The following TET3 variants were observed in gnomAD, a reference collection of about 807,000 sequenced individuals.
TET3 encodes the protein methylcytosine dioxygenase TET3.
TET3 carries 19 observed loss-of-function variants against 141.4 expected under a neutral mutation model. The observed-to-expected ratio is 0.13, with a 90% CI of 0.09 to 0.20. TET3 has a LOEUF of 0.20. Ranked by LOEUF, TET3 falls within the 10% of genes least tolerant of loss-of-function variation. The pLI is 1.00. For missense variants in TET3, 1,874 were observed against 2,356.9 expected (o/e 0.80, Z 4.24); for synonymous variants, 1,043 against 980.9 (o/e 1.06, Z -1.18).
chr2:74,010,229 G>T (rs1291889920), intron 3 of TET3, among the ~76,000 whole-genome samples: 1 of 152,224 alleles, frequency 6.6e-6, no homozygotes, highest in African/African-American at 2.4e-5. Context: ...AGAAACCGGG[G>T]CTCCGTGTCC....
At chr2:74,037,690 G>C (rs562544682) in intron 3 of TET3, among the ~76,000 whole-genome samples, 7 of 152,282 alleles carry the variant, frequency 4.6e-5, no homozygotes, top group African/African-American at 1.7e-4. Flanking sequence ...TTCTAATATG[G>C]TGTGTAACTG....
chr2:74,036,597 C>A (rs1340694437), intron 3 of TET3, among the ~76,000 whole-genome samples: 1 of 152,200 alleles, frequency 6.6e-6, no homozygotes, highest in Admixed American at 6.5e-5. Flanking sequence ...GCCTTGTGAT[C>A]TTGAGGCAAT....
intron 3 of TET3, among the ~76,000 whole-genome samples, chr2:74,023,981 G>A (rs1686206155): frequency 6.6e-6 from 1 of 151,664 alleles, no homozygotes; most frequent in Non-Finnish European, 1.5e-5. Context: ...ACCTTTCTTT[G>A]TTTTTATTTT....
At chr2:74,121,548 TGAG>T in the TET3 span, 8 of 152,376 alleles carry the variant, frequency 5.3e-5, no homozygotes, top group South Asian at 2.1e-4. Context: ...TTCAGATTTC[TGAG>T]GAGAAGGCAA....
intron 3 of TET3, among the ~76,000 whole-genome samples, chr2:74,036,828 G>C (rs998289888): frequency 2.0e-5 from 3 of 152,160 alleles, no homozygotes; most frequent in African/African-American, 7.2e-5. Flanking sequence ...CATGAACAAA[G>C]TCCTGTGCTT....
intron 3 of TET3, among the ~76,000 whole-genome samples, chr2:74,011,094 G>C (rs1298837498): frequency 6.6e-6 from 1 of 151,986 alleles, no homozygotes; most frequent in African/African-American, 2.4e-5. Context: ...TGGGTGCGGT[G>C]GTGGGTGCCC....
chr2:74,017,448 A>G (rs1019830394), intron 3 of TET3, among the ~76,000 whole-genome samples: 1 of 152,130 alleles, frequency 6.6e-6, no homozygotes, highest in African/African-American at 2.4e-5. Context: ...TTTCTATGAG[A>G]TCAACTTTTT....
At chr2:74,064,955 C>T (rs921179058) in intron 4 of TET3, among the ~76,000 whole-genome samples, 1 of 152,210 alleles carries the variant, frequency 6.6e-6, no homozygotes, top group Non-Finnish European at 1.5e-5. Flanking sequence ...TTCAACCACA[C>T]TGGGAGTTAG....
chr2:74,056,510 GAGCTTTCTACCATGTATTTT>G (rs1197112675), intron 4 of TET3, among the ~76,000 whole-genome samples: 1 of 151,698 alleles, frequency 6.6e-6, no homozygotes. Flanking sequence ...CTCTCCCCTA[GAGCTTTCTACCATGTATTTT>G]AGAAAGGGGG....
At position 74,082,351 on chromosome 2, in the gene TET3, C is replaced by T. The variant is rs564854943; in HGVS notation, c.2679+1760C>T. Among the ~76,000 whole-genome samples the T allele has an allele frequency of 3.7e-4, 56 of 152,212 alleles. 2 individuals are homozygous for T. The highest frequency in any genetic ancestry group is 2.1e-4 in the Non-Finnish European group (14 of 68,028). On this transcript the variant is annotated intron_variant, in intron 6 of 11. Transcript: ENST00000409262. ...AGAGGAAGGCAGGAGGATGGAGGGG[C>T]AGGAACTTTGTCCTCAGTATGCCAT...
At chr2:74,098,718 C>G (rs776026616) in intron 10 of TET3, among the ~76,000 whole-genome samples, 4 of 152,046 alleles carry the variant, frequency 2.6e-5, no homozygotes, top group Non-Finnish European at 4.4e-5. Context: ...CTCAGCCTCC[C>G]AAGTAGCTGG....
At chr2:74,000,139 T>G (rs1167188121) in intron 2 of TET3, among the ~76,000 whole-genome samples, 1 of 152,094 alleles carries the variant, frequency 6.6e-6, no homozygotes, top group African/African-American at 2.4e-5. Flanking sequence ...TAGATCACAG[T>G]TCAGTTCTGG....
At chr2:74,013,521 A>G (rs1042419560) in intron 3 of TET3, among the ~76,000 whole-genome samples, 4 of 151,572 alleles carry the variant, frequency 2.6e-5, no homozygotes, top group African/African-American at 9.7e-5. Flanking sequence ...GATTCTTTTT[A>G]TTGGGGCTGG....
At position 74,048,171 on chromosome 2, in the gene TET3, C is replaced by G; in HGVS notation, c.2254C>G (p.Arg752Gly). Residue 752 changes from arginine to glycine, a missense_variant, in exon 4 of 12, where the codon CGT becomes GGT. By Grantham distance (125) the Arg-to-Gly change is moderately radical. Coordinates refer to ENST00000409262, the MANE Select transcript of TET3 (RefSeq NM_001287491.2). Reference sequence around the variant, plus strand: ...AGCCCCTGAGAGCCCCTTTGCTACCCGTTCCCCCAAGCAAATCAAGATTGA... The same window carrying G: ...AGCCCCTGAGAGCCCCTTTGCTACCGGTTCCCCCAAGCAAATCAAGATTGA... ...LPAPESPFATRSPKQIKIESS... is the reference protein window; with the variant it reads ...LPAPESPFATGSPKQIKIESS... 1 of 1,612,362 alleles carries G rather than the reference C, an allele frequency of 6.2e-7. No individual in the cohort carries two copies.
At chr2:74,117,798 C>T in the TET3 span, among the ~76,000 whole-genome samples, 8 of 152,132 alleles carry the variant, frequency 5.3e-5, no homozygotes, top group Non-Finnish European at 1.0e-4. Flanking sequence ...CAGGCTGGAA[C>T]GCAATGACAC....
chr2:74,084,634 T>C (rs1242792694), intron 6 of TET3, among the ~76,000 whole-genome samples: 1 of 152,078 alleles, frequency 6.6e-6, no homozygotes, highest in East Asian at 1.9e-4. Flanking sequence ...TTGTATTTTT[T>C]AGTAGAGATG....
intron 2 of TET3, chr2:74,002,682 G>A (rs1032638062): frequency 2.1e-4 from 86 of 418,192 alleles, no homozygotes; most frequent in African/African-American, 1.7e-3. Flanking sequence ...CCCGCGGCGG[G>A]GAGGGGAGCG....
the TET3 span, among the ~76,000 whole-genome samples, chr2:74,128,919 G>T: frequency 7.1e-6 from 1 of 141,230 alleles, no homozygotes; most frequent in Non-Finnish European, 1.5e-5. Context: ...CTGAGCCCCA[G>T]AAGTCAAGGC....
chr2:74,083,770 C>T (rs1449670018), intron 6 of TET3, among the ~76,000 whole-genome samples: 2 of 152,120 alleles, frequency 1.3e-5, no homozygotes, highest in Non-Finnish European at 2.9e-5. Flanking sequence ...AATGACATTG[C>T]GTGTTTGCCA....
Sources: gnomAD v4.1 joint callset for allele counts (sites outside exome capture counted in the v4.1 genomes callset) on GRCh38, gnomAD v4.1.1 for gene constraint, MANE v1.5 for transcripts, NCBI Gene and HGNC (gene_info 2026-07-23, HGNC 2026-07-21) for gene names.